The following NQO1 variants were observed in gnomAD, a reference collection of about 807,000 sequenced individuals.
NQO1 encodes NAD(P)H quinone dehydrogenase 1, also known as NAD(P)H dehydrogenase [quinone] 1.
NQO1 carries 30 observed loss-of-function variants against 32.1 expected under a neutral mutation model. The ratio of observed to expected loss-of-function variants is 0.94; its 90% CI spans 0.70 to 1.27. The LOEUF (loss-of-function observed/expected upper bound fraction) is 1.27. NQO1 is among the 50% of genes most tolerant of loss of function. The probability of loss-of-function intolerance (pLI) is 0.00; values close to 1 mark genes in which losing one functional copy is unlikely to be tolerated. For synonymous variants in NQO1, 109 were observed against 119.7 expected (o/e 0.91, Z 0.59); for missense variants, 276 against 331.3 (o/e 0.83, Z 1.30).
intron 5 of NQO1, 67 bp downstream of exon 5, chr16:69,712,961 C>A: frequency 1.5e-6 from 2 of 1,340,644 alleles, no homozygotes; most frequent in Non-Finnish European, 2.1e-6. Flanking sequence ...TCACTGCACT[C>A]CAGCCTAGAT....
At chr16:69,713,967 C>T (rs2038077774) in intron 4 of NQO1, among the ~76,000 whole-genome samples, 2 of 149,478 alleles carry the variant, frequency 1.3e-5, no homozygotes, top group African/African-American at 4.9e-5. Flanking sequence ...CCTCTGCCTC[C>T]CGGGTTCAAG....
At position 69,718,108 on chromosome 16, in the gene NQO1, G is replaced by C. The variant is rs35572901; in HGVS notation, c.303+15C>G. The C allele has an allele frequency of 6.2e-7, 1 of 1,613,688 alleles. No individual in the cohort carries two copies. The highest frequency in any genetic ancestry group is 1.1e-5 in the South Asian group (1 of 91,062). ...CGCAAATGTCCCTGACACCCCTTCCGATGTCCCCCCATACCTGGAATATCA... is the reference window on the plus strand; with the variant it reads ...CGCAAATGTCCCTGACACCCCTTCCCATGTCCCCCCATACCTGGAATATCA... On this transcript the variant is annotated intron_variant, in intron 3 of 5. Coordinates refer to ENST00000320623, the MANE Select transcript of NQO1 (RefSeq NM_000903.3).
rs2038011578 is a variant in NQO1 at position 69,709,709 on chromosome 16, T to C, written c.*1267A>G. 1 of 398,362 alleles carries C rather than the reference T, an allele frequency of 2.5e-6. No homozygotes were observed. The highest frequency in any genetic ancestry group is 4.4e-6 in the Non-Finnish European group (1 of 225,946). 24.7% of individuals were successfully genotyped at this position (398,362 alleles called of 1,614,324 possible). On this transcript the variant is annotated 3_prime_UTR_variant, in exon 6 of 6. Coordinates refer to ENST00000320623, the MANE Select transcript of NQO1 (RefSeq NM_000903.3). ...CACAAGAGGGCAGTGTTTTATCATATTCTCCTTGAATTATATAATACCAAC... is the reference window on the plus strand; with the variant it reads ...CACAAGAGGGCAGTGTTTTATCATACTCTCCTTGAATTATATAATACCAAC...
intron 4 of NQO1, among the ~76,000 whole-genome samples, chr16:69,713,403 T>G (rs76636331): frequency 6.6e-6 from 1 of 152,330 alleles, no homozygotes; most frequent in East Asian, 1.9e-4. Flanking sequence ...AAATCAGTGC[T>G]GGCTGCTGGC....
Position 69,711,285 on chromosome 16 carries a change from A to G in NQO1, c.520-4T>C, listed in dbSNP as rs2151741985. The G allele has an allele frequency of 6.2e-7, 1 of 1,603,112 alleles. No individual in the cohort carries two copies. The highest frequency in any genetic ancestry group is 8.5e-7 in the Non-Finnish European group (1 of 1,172,376). On this transcript the variant is annotated splice_region_variant and splice_polypyrimidine_tract_variant and intron_variant, in intron 5 of 5. Coordinates refer to ENST00000320623, the MANE Select transcript of NQO1 (RefSeq NM_000903.3). ...CACAGAAATGCAGAATGCCACTCTG[A>G]GGATACAGAAAGCACAGAGAGGTAA...
intron 1 of NQO1, among the ~76,000 whole-genome samples, chr16:69,722,137 G>A (rs1294086645): frequency 6.9e-6 from 1 of 144,466 alleles, no homozygotes; most frequent in Non-Finnish European, 1.5e-5. Flanking sequence ...AGCTGGGAGA[G>A]AAGGCATCTG....
chr16:69,709,999 G>A lies in NQO1; in HGVS notation c.*977C>T, dbSNP rs1443056050. 4.2e-5 allele frequency: 16 copies of A among 384,944 alleles called. No individual in the cohort carries two copies. Among genetic ancestry groups the A allele is most frequent in the East Asian group, 1.1e-4 (3 of 27,214 alleles). 23.8% of individuals were successfully genotyped at this position (384,944 alleles called of 1,614,324 possible). A position where few individuals can be genotyped will look rare whatever the true frequency, so the allele number is the denominator to read the frequency against. ...TCTTGAATTCATATTGCAGATGTAC[G>A]GTGTGGATTTATTGGTTTATCTCTG... On this transcript the variant is annotated 3_prime_UTR_variant, in exon 6 of 6. Transcript: ENST00000320623.
intron 5 of NQO1, among the ~76,000 whole-genome samples, 167 bp from the exon 6 acceptor site, chr16:69,711,448 G>C (rs867064710): frequency 4.6e-5 from 7 of 152,064 alleles, no homozygotes; most frequent in Non-Finnish European, 1.0e-4. Context: ...CCTCTACCTA[G>C]CCGTTACCAA....
intron 1 of NQO1, among the ~76,000 whole-genome samples, chr16:69,723,809 C>A (rs1201737359): frequency 6.6e-6 from 1 of 151,930 alleles, no homozygotes; most frequent in Non-Finnish European, 1.5e-5. Flanking sequence ...CTCAAACAAA[C>A]AAACAAAAAG....
rs1283304541 is a variant in NQO1 at position 69,711,029 on chromosome 16, G to A, written c.772C>T (p.His258Tyr). The change falls in exon 6 of 6, where the codon CAT becomes TAT. Residue 258 changes from histidine (H) to tyrosine (Y), a missense_variant. By Grantham distance (83) the His-to-Tyr change is moderately conservative. Transcript: ENST00000320623. ...GTTGGGATGGACTTGCCCAAGTGAT[G>A]GCCCACAGAAAGGCCAAATTTCTTG... ...KNKKFGLSVGHHLGKSIPTDN... is the reference protein window; with the variant it reads ...KNKKFGLSVGYHLGKSIPTDN... The A allele has an allele frequency of 3.7e-6, 6 of 1,614,066 alleles. No individual in the cohort carries two copies. Among genetic ancestry groups the A allele is most frequent in the African/African-American group, 1.3e-5 (1 of 74,922 alleles).
chr16:69,726,025 A>G (rs2038256977), intron 1 of NQO1, among the ~76,000 whole-genome samples: 1 of 152,220 alleles, frequency 6.6e-6, no homozygotes, highest in Non-Finnish European at 1.5e-5. Context: ...CTCGGAATCC[A>G]CATTTTTAAG....
At chr16:69,721,043 AT>A (rs373230600) in intron 1 of NQO1, among the ~76,000 whole-genome samples, 149 of 137,338 alleles carry the variant, frequency 1.1e-3, no homozygotes, top group Middle Eastern at 3.8e-3. Flanking sequence ...ACCACACCTA[AT>A]TTTTTTTTTT....
chr16:69,721,479 T>C (rs553805310), intron 1 of NQO1, among the ~76,000 whole-genome samples: 1 of 152,280 alleles, frequency 6.6e-6, no homozygotes, highest in South Asian at 2.1e-4. Flanking sequence ...ACCTTGATCT[T>C]CGACTTCCCA....
chr16:69,724,255 A>G (rs564016545), intron 1 of NQO1, among the ~76,000 whole-genome samples: 2 of 152,118 alleles, frequency 1.3e-5, no homozygotes, highest in South Asian at 2.1e-4. Context: ...GGAGATTGCA[A>G]TGAGCCAAGA....
chr16:69,717,577 C>T (rs776594019), intron 3 of NQO1, among the ~76,000 whole-genome samples: 1 of 151,260 alleles, frequency 6.6e-6, no homozygotes, highest in Admixed American at 6.6e-5. Context: ...AAGGACTGTA[C>T]ATCATCTCTG....
At chr16:69,717,929 A>C (rs991860730) in intron 3 of NQO1, 194 bp downstream of exon 3, 1 of 850,390 alleles carries the variant, frequency 1.2e-6, no homozygotes, top group Admixed American at 2.5e-5. Flanking sequence ...GCATTTACAC[A>C]TGCAACAGTA....
At chr16:69,717,465 C>T (rs1485943072) in intron 3 of NQO1, among the ~76,000 whole-genome samples, 6 of 152,078 alleles carry the variant, frequency 3.9e-5, no homozygotes, top group African/African-American at 1.4e-4. Context: ...TGAGAGAGTC[C>T]AACAGGAATC....
At chr16:69,717,929 A>G (rs991860730) in intron 3 of NQO1, 194 bp downstream of exon 3, 1 of 850,272 alleles carries the variant, frequency 1.2e-6, no homozygotes, top group African/African-American at 1.7e-5. Context: ...GCATTTACAC[A>G]TGCAACAGTA....
In NQO1 at chr16:69,721,462, T is replaced by G. The variant is rs574712749; in HGVS notation, c.8-2928A>C. Among the ~76,000 whole-genome samples, 7 of 152,332 alleles carry G rather than the reference T, an allele frequency of 4.6e-5. No individual in the cohort carries two copies. In the South Asian group the frequency reaches 1.2e-3, roughly 27 times the overall value. ...GCAGCTCTCACCAGACAGCCAAACC[T>G]GCCAGCACCTTGATCTTCGACTTCC... On this transcript the variant is annotated intron_variant, in intron 1 of 5. Coordinates refer to ENST00000320623, the MANE Select transcript of NQO1 (RefSeq NM_000903.3).
Sources: allele counts gnomAD v4.1 joint callset (sites outside exome capture counted in the v4.1 genomes callset), GRCh38; gene constraint gnomAD v4.1.1; transcripts MANE v1.5; gene names NCBI Gene and HGNC (gene_info 2026-07-23, HGNC 2026-07-21).